Variants in SOX5 observed in about 807,000 individuals in gnomAD.
The protein encoded by SOX5 is SRY-box transcription factor 5.
Under a neutral mutation model 92.0 loss-of-function variants are expected in SOX5, and 9 were observed. The observed-to-expected ratio is 0.10, with a 90% CI of 0.06 to 0.17. SOX5 has a LOEUF of 0.17. Among genes scored for constraint, SOX5 ranks in the 10% least tolerant of loss-of-function variants. The probability of loss-of-function intolerance (pLI) is 1.00; values close to 1 mark genes in which losing one functional copy is unlikely to be tolerated. For missense variants in SOX5, 642 were observed against 944.5 expected, an observed-to-expected ratio of 0.68 and a Z score of 4.20; for synonymous variants, 344 against 336.3, an observed-to-expected ratio of 1.02 and a Z score of -0.25.
At chr12:24,448,995 G>T (rs1173552330) in intron 1 of SOX5, among the ~76,000 whole-genome samples, 2 of 151,994 alleles carry the variant, frequency 1.3e-5, no homozygotes, top group South Asian at 4.2e-4. Context: ...GCTACACCCC[G>T]CTTCCATTTC....
intron 1 of SOX5, among the ~76,000 whole-genome samples, chr12:24,426,861 A>G (rs1360144806): frequency 1.2e-4 from 18 of 151,572 alleles, no homozygotes; most frequent in Admixed American, 1.2e-3. Context: ...CCTCGTCTTT[A>G]CCCCTCATTA....
intron 7 of SOX5, among the ~76,000 whole-genome samples, chr12:23,661,017 T>C (rs1241926464): frequency 1.3e-5 from 2 of 152,190 alleles, no homozygotes; most frequent in East Asian, 3.8e-4. Flanking sequence ...CATGTCAAAA[T>C]GTTCTTGGTA....
chr12:24,015,430 C>T (rs752998365), intron 4 of SOX5, among the ~76,000 whole-genome samples: 2 of 152,050 alleles, frequency 1.3e-5, no homozygotes, highest in Admixed American at 6.6e-5. Flanking sequence ...CATTTTTATA[C>T]AAAAACAATA....
intron 7 of SOX5, among the ~76,000 whole-genome samples, chr12:23,652,507 C>A (rs1012912942): frequency 7.3e-6 from 1 of 137,526 alleles, no homozygotes; most frequent in African/African-American, 2.9e-5. Context: ...TAGCCTAGAC[C>A]TCTTCTACTG....
At chr12:24,352,388 G>A (rs1757248910) in intron 2 of SOX5, among the ~76,000 whole-genome samples, 1 of 152,042 alleles carries the variant, frequency 6.6e-6, no homozygotes. Flanking sequence ...AAAAAAAGTT[G>A]AATAACATAT....
At chr12:24,062,183 C>T (rs573557346) in intron 4 of SOX5, among the ~76,000 whole-genome samples, 2 of 152,146 alleles carry the variant, frequency 1.3e-5, no homozygotes, top group South Asian at 4.1e-4. Flanking sequence ...GCACAAGAAT[C>T]TGGCCCACCT....
At chr12:23,951,320 TCCC>T (rs1178536979), upstream of SOX5, among the ~76,000 whole-genome samples, 1 of 149,662 alleles carries the variant, frequency 6.7e-6, no homozygotes, top group Non-Finnish European at 1.5e-5. Flanking sequence ...CACACATTCC[TCCC>T]CCCCAACCCC....
chr12:23,983,013 C>T (rs1949726082), intron 4 of SOX5, among the ~76,000 whole-genome samples: 1 of 151,974 alleles, frequency 6.6e-6, no homozygotes, highest in Admixed American at 6.6e-5. Flanking sequence ...TTTTGCAAAC[C>T]ACTAGCCCAG....
At chr12:24,242,481 A>G (rs1965720935) in intron 3 of SOX5, among the ~76,000 whole-genome samples, 3 of 152,302 alleles carry the variant, frequency 2.0e-5, no homozygotes, top group South Asian at 4.1e-4. Context: ...AAAACACTGG[A>G]AGATAAGAAA....
At chr12:24,365,891 C>A (rs1956122943) in intron 2 of SOX5, among the ~76,000 whole-genome samples, 1 of 151,890 alleles carries the variant, frequency 6.6e-6, no homozygotes, top group Non-Finnish European at 1.5e-5. Context: ...AAGGCTGAAC[C>A]ACTCATTTCC....
At chr12:24,029,699 T>C (rs1258573329) in intron 4 of SOX5, among the ~76,000 whole-genome samples, 2 of 152,038 alleles carry the variant, frequency 1.3e-5, no homozygotes, top group Non-Finnish European at 2.9e-5. Flanking sequence ...ATCATTGCCT[T>C]CTTATTTTAC....
chr12:23,880,320 T>C (rs1482423376), intron 2 of SOX5, among the ~76,000 whole-genome samples: 1 of 152,124 alleles, frequency 6.6e-6, no homozygotes, highest in African/African-American at 2.4e-5. Context: ...AAGACATAAG[T>C]GAATGGACAC....
At chr12:23,773,526 C>T (rs2095002908) in intron 3 of SOX5, among the ~76,000 whole-genome samples, 1 of 152,074 alleles carries the variant, frequency 6.6e-6, no homozygotes, top group African/African-American at 2.4e-5. Context: ...CACGTGCCAC[C>T]ACGTCTGACT....
At chr12:24,394,405 G>A (rs1959318600) in intron 1 of SOX5, among the ~76,000 whole-genome samples, 1 of 152,102 alleles carries the variant, frequency 6.6e-6, no homozygotes, top group African/African-American at 2.4e-5. Flanking sequence ...TGATCTGCAG[G>A]AGCCCGGCCG....
At chr12:23,970,841 A>ATTTT (rs1555456188) in intron 4 of SOX5, among the ~76,000 whole-genome samples, 6 of 21,866 alleles carry the variant, frequency 2.7e-4, no homozygotes, top group African/African-American at 6.2e-4. Context: ...TATATATATA[A>ATTTT]TTTTTTTTTT....
chr12:24,118,024 AAAAAAAAAAAAAAAG>A (rs1948220959), intron 4 of SOX5, among the ~76,000 whole-genome samples: 1 of 149,970 alleles, frequency 6.7e-6, no homozygotes, highest in Non-Finnish European at 1.5e-5. Flanking sequence ...CATTCAAAAA[AAAAAAAAAAAAAAAG>A]AAAAAAAAAA....
intron 1 of SOX5, among the ~76,000 whole-genome samples, chr12:24,555,184 T>C (rs552739701): frequency 6.6e-6 from 1 of 152,278 alleles, no homozygotes; most frequent in South Asian, 2.1e-4. Context: ...GAGCAAAGAC[T>C]TGCAAGGTGT....
intron 3 of SOX5, among the ~76,000 whole-genome samples, chr12:24,249,943 C>T (rs543762269): frequency 1.3e-5 from 2 of 152,202 alleles, no homozygotes; most frequent in East Asian, 1.9e-4. Context: ...AATAGTATCA[C>T]GATATTTAAA....
At chr12:24,431,647 A>C (rs1447238307) in intron 1 of SOX5, among the ~76,000 whole-genome samples, 1 of 152,216 alleles carries the variant, frequency 6.6e-6, no homozygotes, top group Non-Finnish European at 1.5e-5. Context: ...ATTGCACCGT[A>C]GTTCTCTAGC....
Sources: allele counts gnomAD v4.1 joint callset (sites outside exome capture counted in the v4.1 genomes callset), GRCh38; gene constraint gnomAD v4.1.1; transcripts MANE v1.5; gene names NCBI Gene and HGNC (gene_info 2026-07-23, HGNC 2026-07-21).